The following AXIN1 variants were observed in gnomAD, a reference collection of about 807,000 sequenced individuals.
The protein encoded by AXIN1 is axin-1.
Under a neutral mutation model 76.4 loss-of-function variants are expected in AXIN1, and 30 were observed. The observed-to-expected ratio is 0.39, with a 90% CI of 0.29 to 0.53. The LOEUF (loss-of-function observed/expected upper bound fraction) is 0.53, where lower values mean the gene tolerates loss of function less well. Among genes scored for constraint, AXIN1 ranks in the 20% least tolerant of loss-of-function variants. The pLI is 0.66. For missense variants in AXIN1, 1,140 were observed against 1,198.8 expected, an observed-to-expected ratio of 0.95 and a Z score of 0.72; for synonymous variants, 545 against 501.4, an observed-to-expected ratio of 1.09 and a Z score of -1.16.
intron 2 of AXIN1, among the ~76,000 whole-genome samples, chr16:327,014 T>G (rs1247082448): frequency 6.7e-6 from 1 of 149,044 alleles, no homozygotes; most frequent in African/African-American, 2.5e-5. Flanking sequence ...CGGTGGCGGG[T>G]GCCTGTAGTC....
intron 4 of AXIN1, among the ~76,000 whole-genome samples, chr16:306,721 G>A (rs1342690738): frequency 1.3e-5 from 2 of 152,244 alleles, no homozygotes; most frequent in African/African-American, 4.8e-5. Context: ...GTATGAAGGG[G>A]CCAAGGGCAC....
chr16:288,150 ATCT>A lies in AXIN1; in HGVS notation c.2558_2560del (p.Lys853del), dbSNP rs1204980787. 5.0e-6 allele frequency: 8 copies of A among 1,613,430 alleles called. No homozygotes were observed. The African/African-American group carries it at 5.3e-5, about 11-fold the overall frequency. On this transcript the variant is annotated inframe_deletion, in exon 11 of 11. Transcript: ENST00000262320. ...GTCCACCTTCTCCACTTTGCCGATG[ATCT>A]TCTCCTCAAAGACGGGCAGGACGGC...
chr16:338,285 A>G (rs1011774421), intron 2 of AXIN1, among the ~76,000 whole-genome samples: 3 of 152,276 alleles, frequency 2.0e-5, no homozygotes, highest in East Asian at 1.9e-4. Flanking sequence ...GCTAGGGCAC[A>G]GTTCCAAGAA....
chr16:330,548 G>C (rs150644521), intron 2 of AXIN1, among the ~76,000 whole-genome samples: 1 of 152,184 alleles, frequency 6.6e-6, no homozygotes, highest in South Asian at 2.1e-4. Flanking sequence ...TCTGCTCAGC[G>C]TGAACACCGT....
chr16:333,984 C>T (rs1597096673), intron 2 of AXIN1, among the ~76,000 whole-genome samples: 2 of 151,186 alleles, frequency 1.3e-5, no homozygotes, highest in South Asian at 4.2e-4. Flanking sequence ...AGCAATAACA[C>T]AGCATGCAGT....
chr16:309,329 C>A (rs570544362), intron 4 of AXIN1, among the ~76,000 whole-genome samples: 1 of 152,048 alleles, frequency 6.6e-6, no homozygotes, highest in African/African-American at 2.4e-5. Context: ...CTCATCTTCC[C>A]GTAACATCTT....
chr16:297,401 C>G (rs571046606), intron 6 of AXIN1, among the ~76,000 whole-genome samples, 175 bp from the exon 7 acceptor site: 2 of 152,044 alleles, frequency 1.3e-5, no homozygotes, highest in Non-Finnish European at 2.9e-5. Context: ...GTCCCCCACC[C>G]GCTGTCCCCT....
chr16:352,452 G>T lies in AXIN1; in HGVS notation c.-165C>A. ...GGGCCCATGCGCTCAGCGGCAGCGC[G>T]GCGGGCGGGACCCGGCGGGGGCGCG... is the stretch of plus-strand genomic sequence containing the variant. On this transcript the variant is annotated 5_prime_UTR_variant, in exon 1 of 11. Coordinates refer to ENST00000262320, the MANE Select transcript of AXIN1 (RefSeq NM_003502.4). 1 of 973,944 alleles carries T rather than the reference G, an allele frequency of 1.0e-6. No homozygotes were observed. Among genetic ancestry groups the T allele is most frequent in the Non-Finnish European group, 1.2e-6 (1 of 822,552 alleles). The allele number at this position is 973,944 out of a possible 1,614,324, so 60.3% of individuals were successfully genotyped here. A position where few individuals can be genotyped will look rare whatever the true frequency, so the allele number is the denominator to read the frequency against.
Position 293,120 on chromosome 16 carries a change from C to T in AXIN1, c.2186+368G>A, listed in dbSNP as rs2052614274. ...AGAGGCAGCCGCCATGCCTCCAGGACCTCTGCCCTAAAGCCCAGGCTGCCC... is the reference window on the plus strand; with the variant it reads ...AGAGGCAGCCGCCATGCCTCCAGGATCTCTGCCCTAAAGCCCAGGCTGCCC... On this transcript the variant is annotated intron_variant, in intron 8 of 10. Coordinates refer to ENST00000262320, the MANE Select transcript of AXIN1 (RefSeq NM_003502.4). The surrounding 1 kb of genome is among the most constrained non-coding windows in gnomAD (Gnocchi z 4.6). 5.8e-6 allele frequency: 2 copies of T among 346,640 alleles called. No homozygotes were observed. The highest frequency in any genetic ancestry group is 1.1e-5 in the Non-Finnish European group (2 of 185,230). The allele number at this position is 346,640 out of a possible 1,614,324, so 21.5% of individuals were successfully genotyped here.
chr16:327,889 G>A (rs1339876859), intron 2 of AXIN1, among the ~76,000 whole-genome samples: 1 of 152,258 alleles, frequency 6.6e-6, no homozygotes, highest in Non-Finnish European at 1.5e-5. Context: ...AGGGGACTGG[G>A]TGGGAAAGGC....
intron 5 of AXIN1, among the ~76,000 whole-genome samples, chr16:300,193 T>C (rs2052833931): frequency 2.0e-5 from 3 of 151,150 alleles, no homozygotes; most frequent in Non-Finnish European, 4.4e-5. Flanking sequence ...CCACCCACCT[T>C]GGCCTCCCAA....
At chr16:343,805 A>C (rs1489081098) in intron 2 of AXIN1, among the ~76,000 whole-genome samples, 1 of 151,982 alleles carries the variant, frequency 6.6e-6, no homozygotes, top group African/African-American at 2.4e-5. Context: ...CAGGAGCTCG[A>C]GACCATCCTG....
In AXIN1 at chr16:293,394, T is replaced by G. The variant is rs1434141590; in HGVS notation, c.2186+94A>C. The G allele has an allele frequency of 7.6e-6, 10 of 1,314,380 alleles. No homozygotes were observed. The highest frequency in any genetic ancestry group is 3.2e-6 in the Non-Finnish European group (3 of 943,252). The allele number at this position is 1,314,380 out of a possible 1,614,324, so 81.4% of individuals were successfully genotyped here. On this transcript the variant is annotated intron_variant, in intron 8 of 10. Transcript: ENST00000262320. The surrounding 1 kb of genome is among the most constrained non-coding windows in gnomAD (Gnocchi z 4.6). Reference sequence around the variant, plus strand: ...TGGGGGACACCCAGAGGGCCGTTTTTCCCCTGAAGACCTCAGGCCTCGGGG... The same window carrying G: ...TGGGGGACACCCAGAGGGCCGTTTTGCCCCTGAAGACCTCAGGCCTCGGGG...
At chr16:299,220 T>A (rs939939711) in intron 5 of AXIN1, 11 of 985,318 alleles carry the variant, frequency 1.1e-5, no homozygotes, top group African/African-American at 1.7e-5. Context: ...AGAGCAAACA[T>A]TTGATCACTT....
intron 2 of AXIN1, among the ~76,000 whole-genome samples, chr16:329,015 C>T (rs1324795357): frequency 6.6e-6 from 1 of 152,158 alleles, no homozygotes; most frequent in Non-Finnish European, 1.5e-5. Flanking sequence ...GTAGCTCACG[C>T]CTGTAATCCC....
intron 3 of AXIN1, 96 bp from the exon 4 acceptor site, chr16:310,165 G>A: frequency 8.9e-7 from 1 of 1,124,374 alleles, no homozygotes; most frequent in Non-Finnish European, 1.3e-6. Context: ...CGGTCAGCAG[G>A]CAATGATGAG....
In AXIN1 at chr16:293,369, TG is replaced by T; in HGVS notation, c.2186+118del. ...AGTGGATGGAAGGGCCCAGTATGGC[TG>T]GGGGACACCCAGAGGGCCGTTTTTC... On this transcript the variant is annotated intron_variant, in intron 8 of 10. Coordinates refer to ENST00000262320, the MANE Select transcript of AXIN1 (RefSeq NM_003502.4). The surrounding 1 kb of genome is among the most constrained non-coding windows in gnomAD (Gnocchi z 4.6). The T allele has an allele frequency of 2.0e-6, 2 of 1,019,878 alleles. No homozygotes were observed. Among genetic ancestry groups the T allele is most frequent in the Non-Finnish European group, 2.9e-6 (2 of 688,368 alleles). 63.2% of individuals were successfully genotyped at this position (1,019,878 alleles called of 1,614,324 possible). A position where few individuals can be genotyped will look rare whatever the true frequency, so the allele number is the denominator to read the frequency against.
At chr16:326,700 G>A (rs1430049113) in intron 2 of AXIN1, among the ~76,000 whole-genome samples, 1 of 148,328 alleles carries the variant, frequency 6.7e-6, no homozygotes, top group African/African-American at 2.5e-5. Flanking sequence ...GAGCGAGATC[G>A]CGCCACTGCA....
At chr16:289,201 T>G (rs963092621) in intron 10 of AXIN1, among the ~76,000 whole-genome samples, 9 of 151,948 alleles carry the variant, frequency 5.9e-5, no homozygotes, top group African/African-American at 1.9e-4. Flanking sequence ...CAATTCTGCC[T>G]CAGCCTCCCA....
Sources: allele counts gnomAD v4.1 joint callset (sites outside exome capture counted in the v4.1 genomes callset), GRCh38; gene constraint gnomAD v4.1.1; non-coding constraint Gnocchi (gnomAD v3.1); transcripts MANE v1.5; gene names NCBI Gene and HGNC (gene_info 2026-07-23, HGNC 2026-07-21).